The following PTCH2 variants were observed in gnomAD, a reference collection of about 807,000 sequenced individuals.
PTCH2 encodes the protein patched 2, also known as protein patched homolog 2.
PTCH2 carries 96 observed loss-of-function variants against 117.9 expected under a neutral mutation model. The ratio of observed to expected loss-of-function variants is 0.81; its 90% CI spans 0.69 to 0.96. The LOEUF (loss-of-function observed/expected upper bound fraction) is 0.96, where lower values mean the gene tolerates loss of function less well. PTCH2 is among the 50% of genes least tolerant of loss of function. The pLI is 0.00. For missense variants in PTCH2, 1,379 were observed against 1,562.5 expected (o/e 0.88, Z 1.98); for synonymous variants, 615 against 660.9 (o/e 0.93, Z 1.06).
Position 44,823,627 on chromosome 1 carries a change from G to T in PTCH2, c.3115-242C>A, listed in dbSNP as rs1226293051. ...AAAATAGGGTACAGCCTGGGTGACA[G>T]AGTGAGACCCTGTCTCTTAAAACAA... On this transcript the variant is annotated intron_variant, in intron 19 of 21. Transcript: ENST00000372192. The surrounding 1 kb of genome is among the most constrained non-coding windows in gnomAD (Gnocchi z 5.1). 6.6e-6 allele frequency among the ~76,000 whole-genome samples: 1 copy of T among 152,214 alleles called. No homozygotes were observed. The highest frequency in any genetic ancestry group is 6.5e-5 in the Admixed American group (1 of 15,284).
At chr1:44,833,365 C>T (rs903581820) in intron 2 of PTCH2, among the ~76,000 whole-genome samples, 2 of 152,068 alleles carry the variant, frequency 1.3e-5, no homozygotes, top group African/African-American at 4.8e-5. Flanking sequence ...TTGCTGCCTG[C>T]TGGGACCCAA....
chr1:44,826,293 G>A lies in PTCH2; in HGVS notation c.3071C>T (p.Ala1024Val), dbSNP rs147567317. 115 of 1,614,006 alleles carry A rather than the reference G, an allele frequency of 7.1e-5. 1 individual carries two copies. Among genetic ancestry groups the A allele is most frequent in the Non-Finnish European group, 1.3e-5 (15 of 1,180,050 alleles). Residue 1024 changes from alanine (A) to valine (V), a missense_variant, in exon 19 of 22, where the codon GCC becomes GTC. Transcript: ENST00000372192. The surrounding 1 kb of genome is among the most constrained non-coding windows in gnomAD (Gnocchi z 5.1). ...GAACTCAACGCCAATGCCTACAGAG[G>A]CCACAAGGATCACCACGGGGATGGC... ...LSAIPVVILV[A>V]SVGIGVEFTV...
At position 44,828,966 on chromosome 1, in the gene PTCH2, G is replaced by A. The variant is rs933590323; in HGVS notation, c.1464+16C>T. 1.5e-5 allele frequency: 24 copies of A among 1,551,250 alleles called. No individual in the cohort carries two copies. Among genetic ancestry groups the A allele is most frequent in the Non-Finnish European group, 2.0e-5 (23 of 1,146,590 alleles). ...GCTGAGCTGCCTCAGATGAGCCCTG[G>A]GGGACAAGGCCCCACCTGGAGAGGG... is the stretch of plus-strand genomic sequence containing the variant. On this transcript the variant is annotated intron_variant, in intron 11 of 21. Transcript: ENST00000372192.
In PTCH2 at chr1:44,823,126, G is replaced by A; in HGVS notation, c.3300C>T (p.Leu1100=). The A allele has an allele frequency of 6.2e-7, 1 of 1,614,040 alleles. No homozygotes were observed. Among genetic ancestry groups the A allele is most frequent in the Non-Finnish European group, 8.5e-7 (1 of 1,180,006 alleles). Residue 1100 remains leucine (L), a synonymous_variant, in exon 21 of 22, where the codon CTC becomes CTT. Transcript: ENST00000372192. This position sits in a 1 kb window ranked among gnomAD's most constrained non-coding sequence, Gnocchi z 5.1. ...CAGGCAGCAGCACGAGTCCATGGAG[G>A]AGGCCCAGGAGCGTGAGCACTGTCA... The part of the protein sequence containing the change: ...AALTVLTLLG[L]LHGLVLLPVL...
chr1:44,819,889 A>T (rs1007094457), downstream of PTCH2: 1 of 153,034 alleles, frequency 6.5e-6, no homozygotes, highest in Non-Finnish European at 1.5e-5. Flanking sequence ...ATGTAGCCTC[A>T]GGAAATAAGA....
At chr1:44,832,368 G>A (rs201889657) in intron 2 of PTCH2, 27 bp from the exon 3 acceptor site, 14 of 1,612,944 alleles carry the variant, frequency 8.7e-6, no homozygotes, top group Admixed American at 6.7e-5. Flanking sequence ...AGAAAGCTGG[G>A]GGGGAAAGGG....
At chr1:44,832,897 G>A (rs927101765) in intron 2 of PTCH2, among the ~76,000 whole-genome samples, 1 of 152,180 alleles carries the variant, frequency 6.6e-6, no homozygotes, top group Non-Finnish European at 1.5e-5. Context: ...GCAGGGATAG[G>A]AGTGTCTGAT....
chr1:44,820,621 A>G (rs1326654204), downstream of PTCH2: 25 of 699,556 alleles, frequency 3.6e-5, no homozygotes, highest in Admixed American at 5.2e-4. Context: ...CCCGAAGACC[A>G]ATTCAGCCTG....
In PTCH2 at chr1:44,823,138, C is replaced by T. The variant is rs375974846; in HGVS notation, c.3288G>A (p.Thr1096=). 5.6e-6 allele frequency: 9 copies of T among 1,614,024 alleles called. No individual in the cohort carries two copies. The highest frequency in any genetic ancestry group is 1.7e-5 in the Admixed American group (1 of 60,010). The change falls in exon 21 of 22, where the codon ACG becomes ACA. Residue 1096 remains threonine, a synonymous_variant. Coordinates refer to ENST00000372192, the MANE Select transcript of PTCH2 (RefSeq NM_003738.5). The surrounding 1 kb of genome is among the most constrained non-coding windows in gnomAD (Gnocchi z 5.1). ...CGAGTCCATGGAGGAGGCCCAGGAG[C>T]GTGAGCACTGTCAGCGCCGCAAAGA... The part of the protein sequence containing the change: ...RYFFAALTVL[T]LLGLLHGLVL...
chr1:44,831,144 C>A lies in PTCH2; in HGVS notation c.618-101G>T. The A allele has an allele frequency of 1.7e-6, 2 of 1,211,232 alleles. No homozygotes were observed. Among genetic ancestry groups the A allele is most frequent in the South Asian group, 1.4e-5 (1 of 70,860 alleles). 75.0% of individuals were successfully genotyped at this position (1,211,232 alleles called of 1,614,324 possible). Reference sequence around the variant, plus strand: ...TGTACCCCACCCTCCTCTTATCTGCCGATTTGTCCTTCCATATGGAGGGTG... The same window carrying A: ...TGTACCCCACCCTCCTCTTATCTGCAGATTTGTCCTTCCATATGGAGGGTG... On this transcript the variant is annotated intron_variant, in intron 5 of 21. Coordinates refer to ENST00000372192, the MANE Select transcript of PTCH2 (RefSeq NM_003738.5). This position sits in a 1 kb window ranked among gnomAD's most constrained non-coding sequence, Gnocchi z 4.3.
At chr1:44,830,268 C>T (rs371611226) in intron 6 of PTCH2, among the ~76,000 whole-genome samples, 17 of 152,098 alleles carry the variant, frequency 1.1e-4, no homozygotes, top group African/African-American at 2.9e-4. Flanking sequence ...GTGTAACTGG[C>T]GGATTCTGAA....
In PTCH2 at chr1:44,843,173, G is replaced by A. The variant is rs1654028705; in HGVS notation, c.-241C>T. 3.2e-6 allele frequency: 4 copies of A among 1,253,820 alleles called. No individual in the cohort carries two copies. Among genetic ancestry groups the A allele is most frequent in the East Asian group, 3.5e-5 (1 of 28,774 alleles). The allele number at this position is 1,253,820 out of a possible 1,614,324, so 77.7% of individuals were successfully genotyped here. A position where few individuals can be genotyped will look rare whatever the true frequency, so the allele number is the denominator to read the frequency against. On this transcript the variant is annotated 5_prime_UTR_variant, in exon 1 of 22. Coordinates refer to ENST00000372192, the MANE Select transcript of PTCH2 (RefSeq NM_003738.5). ...CCCGCTCCGTGGGCCGTGGGCCGCG[G>A]CGGCTGGAGGAGGAATGGGTCCCGC...
chr1:44,828,759 A>G lies in PTCH2; in HGVS notation c.1465-128T>C. On this transcript the variant is annotated intron_variant, in intron 11 of 21. Transcript: ENST00000372192. ...AGTCATAACACAGTGGCTAGCATTT[A>G]TTGGGTACCATGTACGTATGATGGG... 4 of 1,366,060 alleles carry G rather than the reference A, an allele frequency of 2.9e-6. No homozygotes were observed. The Admixed American group carries it at 5.9e-5, about 20-fold the overall frequency. 84.6% of individuals were successfully genotyped at this position (1,366,060 alleles called of 1,614,324 possible). A position where few individuals can be genotyped will look rare whatever the true frequency, so the allele number is the denominator to read the frequency against.
At chr1:44,822,957 C>T (rs1001608519) in intron 21 of PTCH2, 112 bp downstream of exon 21, 1 of 1,223,382 alleles carries the variant, frequency 8.2e-7, no homozygotes, top group Non-Finnish European at 1.2e-6. Context: ...GCTGGTGGCA[C>T]CTGTTGGGGA....
Position 44,826,801 on chromosome 1 carries a change from A to T in PTCH2, c.2696-33T>A. On this transcript the variant is annotated intron_variant, in intron 17 of 21. Coordinates refer to ENST00000372192, the MANE Select transcript of PTCH2 (RefSeq NM_003738.5). This position sits in a 1 kb window ranked among gnomAD's most constrained non-coding sequence, Gnocchi z 5.1. ...GGGGAGGGGAAGGGAGAAGAGGGAG[A>T]GGGACAGGGCGGTGAGCACGGGGCA... is the stretch of plus-strand genomic sequence containing the variant. The T allele has an allele frequency of 3.7e-6, 6 of 1,604,142 alleles. No homozygotes were observed. Among genetic ancestry groups the T allele is most frequent in the Non-Finnish European group, 5.1e-6 (6 of 1,173,560 alleles).
In PTCH2 at chr1:44,822,246, G is replaced by C; in HGVS notation, c.*169C>G. On this transcript the variant is annotated 3_prime_UTR_variant, in exon 22 of 22. Transcript: ENST00000372192. ...TCACACAGGCCTGGATGTGCAAATC[G>C]GTGGCTGTTCTGTATGGATATCAGG... 6.6e-7 allele frequency: 1 copy of C among 1,518,534 alleles called. No homozygotes were observed. The highest frequency in any genetic ancestry group is 1.3e-5 in the South Asian group (1 of 78,742). The allele number at this position is 1,518,534 out of a possible 1,614,324, so 94.1% of individuals were successfully genotyped here. A position where few individuals can be genotyped will look rare whatever the true frequency, so the allele number is the denominator to read the frequency against.
downstream of PTCH2, among the ~76,000 whole-genome samples, chr1:44,821,536 C>T (rs1652913003): frequency 6.6e-6 from 1 of 152,190 alleles, no homozygotes; most frequent in Admixed American, 6.5e-5. Context: ...GATCTGCCTC[C>T]ACCTCGCCTT....
Position 44,831,318 on chromosome 1 carries a change from C to T in PTCH2, c.618-275G>A, listed in dbSNP as rs571118555. Among the ~76,000 whole-genome samples, 4 of 152,332 alleles carry T rather than the reference C, an allele frequency of 2.6e-5. No individual in the cohort carries two copies. The highest frequency in any genetic ancestry group is 9.6e-5 in the African/African-American group (4 of 41,578). On this transcript the variant is annotated intron_variant, in intron 5 of 21. Coordinates refer to ENST00000372192, the MANE Select transcript of PTCH2 (RefSeq NM_003738.5). The surrounding 1 kb of genome is among the most constrained non-coding windows in gnomAD (Gnocchi z 4.3). ...GGCCCAGAAAGGCCCCACTGAGTTC[C>T]TTACCAAGCTGTGTGCTTGGTTCTA...
downstream of PTCH2, chr1:44,821,789 AC>A: frequency 1.5e-6 from 2 of 1,335,492 alleles, no homozygotes; most frequent in South Asian, 2.4e-5. Flanking sequence ...CAAGTATATG[AC>A]AAAAATCCAG....
Sources: gnomAD v4.1 joint callset for allele counts (sites outside exome capture counted in the v4.1 genomes callset) on GRCh38, gnomAD v4.1.1 for gene constraint, Gnocchi (gnomAD v3.1) non-coding constraint, MANE v1.5 for transcripts, NCBI Gene and HGNC (gene_info 2026-07-23, HGNC 2026-07-21) for gene names.